The following LPP variants were observed in gnomAD, a reference collection of about 807,000 sequenced individuals.
LPP encodes the protein LIM domain containing preferred translocation partner in lipoma.
A neutral mutation model predicts 60.4 loss-of-function variants in LPP; 38 were observed. The observed-to-expected ratio is 0.63, with a 90% CI of 0.49 to 0.83. The LOEUF (loss-of-function observed/expected upper bound fraction) is 0.83. Among genes scored for constraint, LPP ranks in the 40% least tolerant of loss-of-function variants. LPP has a pLI of 0.00. For missense variants in LPP, 902 were observed against 783.6 expected (o/e 1.15, Z -1.80); for synonymous variants, 328 against 290.8 (o/e 1.13, Z -1.30).
intron 1 of LPP, among the ~76,000 whole-genome samples, chr3:188,207,627 T>C (rs1733668846): frequency 6.6e-6 from 1 of 151,214 alleles, no homozygotes; most frequent in Admixed American, 6.6e-5. Flanking sequence ...TCTTCTTTTT[T>C]TTTTTTTTTT....
At position 188,709,532 on chromosome 3, in the gene LPP, T is replaced by G. The variant is rs1166025649; in HGVS notation, c.1240+1139T>G. On this transcript the variant is annotated intron_variant, in intron 8 of 11. Transcript: ENST00000617246. ...CCGCCACACCTGGCTAGTTTTTGTA[T>G]TTTTAGTAGAGACGAGGTTTCGCCA... is the stretch of plus-strand genomic sequence containing the variant. 1.3e-5 allele frequency: 2 copies of G among 152,070 alleles called. 1 individual carries two copies. The highest frequency in any genetic ancestry group is 1.3e-4 in the Admixed American group (2 of 15,260). The allele number at this position is 152,070 out of a possible 1,614,324, so 9.4% of individuals were successfully genotyped here.
At position 188,785,545 on chromosome 3, in the gene LPP, TATAC is replaced by T. The variant is rs1560201743; in HGVS notation, c.1410+25265_1410+25268del. On this transcript the variant is annotated intron_variant, in intron 9 of 11. Coordinates refer to ENST00000617246, the MANE Select transcript of LPP (RefSeq NM_001375462.1). ...ATATATATATTCCATCATATATATA[TATAC>T]ACACACACACACACACACACACACA... 3.4e-5 allele frequency among the ~76,000 whole-genome samples: 2 copies of T among 58,940 alleles called. 1 individual carries two copies. The highest frequency in any genetic ancestry group is 1.9e-4 in the African/African-American group (2 of 10,428). The allele number at this position is 58,940 out of a possible 152,430, so 38.7% of individuals were successfully genotyped here.
chr3:188,204,325 C>T lies in LPP; in HGVS notation c.-189-21080C>T, dbSNP rs112093672. ...TGGCCTGAGGGTGAGTGGATGCTAT[C>T]GTTTGTGTTGTTTAGAGCACTGGTG... is the stretch of plus-strand genomic sequence containing the variant. On this transcript the variant is annotated intron_variant, in intron 1 of 11. Coordinates refer to ENST00000617246, the MANE Select transcript of LPP (RefSeq NM_001375462.1). Among the ~76,000 whole-genome samples the T allele has an allele frequency of 2.2e-4, 34 of 152,076 alleles. 1 individual carries two copies. Among genetic ancestry groups the T allele is most frequent in the Admixed American group, 8.5e-4 (13 of 15,268 alleles).
intron 1 of LPP, among the ~76,000 whole-genome samples, chr3:188,168,417 T>C (rs997330576): frequency 2.0e-5 from 3 of 152,236 alleles, no homozygotes; most frequent in Non-Finnish European, 2.9e-5. Context: ...ATCTCTAAAC[T>C]GTGTCTACGT....
chr3:188,867,702 G>C (rs1767034328), intron 10 of LPP, among the ~76,000 whole-genome samples: 1 of 152,156 alleles, frequency 6.6e-6, no homozygotes, highest in Admixed American at 6.6e-5. Context: ...TCTGTAAATG[G>C]TGGACTCAGG....
At chr3:188,518,982 G>C (rs540695008) in intron 5 of LPP, among the ~76,000 whole-genome samples, 1 of 151,892 alleles carries the variant, frequency 6.6e-6, no homozygotes, top group South Asian at 2.1e-4. Flanking sequence ...AATCGTTAAC[G>C]TATTAGGCAA....
intron 8 of LPP, among the ~76,000 whole-genome samples, chr3:188,725,994 T>C (rs903200647): frequency 6.6e-6 from 1 of 151,944 alleles, no homozygotes; most frequent in Non-Finnish European, 1.5e-5. Context: ...GAAGGAGAAA[T>C]GAGACTAAAT....
At chr3:188,176,962 T>C (rs778863229) in intron 1 of LPP, among the ~76,000 whole-genome samples, 5 of 152,220 alleles carry the variant, frequency 3.3e-5, no homozygotes, top group Non-Finnish European at 7.3e-5. Context: ...TCACCTGCCC[T>C]CTCTGAGCTA....
intron 7 of LPP, among the ~76,000 whole-genome samples, chr3:188,689,659 C>G (rs1352346179): frequency 6.6e-6 from 1 of 152,188 alleles, no homozygotes; most frequent in Non-Finnish European, 1.5e-5. Flanking sequence ...TTCATTATCT[C>G]ACTTCACAGT....
chr3:188,522,930 CAG>C (rs1355894134), intron 5 of LPP, among the ~76,000 whole-genome samples: 1 of 151,016 alleles, frequency 6.6e-6, no homozygotes, highest in Non-Finnish European at 1.5e-5. Context: ...ATGTTTGAGA[CAG>C]AGTCTCGCTC....
intron 6 of LPP, among the ~76,000 whole-genome samples, chr3:188,594,340 G>C (rs1486234613): frequency 6.6e-6 from 1 of 152,150 alleles, no homozygotes; most frequent in Non-Finnish European, 1.5e-5. Flanking sequence ...GAATGAAAAG[G>C]ACCCTGGTTC....
chr3:188,466,720 C>T (rs1014195192), intron 4 of LPP, among the ~76,000 whole-genome samples: 2 of 146,426 alleles, frequency 1.4e-5, no homozygotes, highest in Non-Finnish European at 3.0e-5. Context: ...AGTAGAGGCT[C>T]ATATTTTTAT....
At position 188,554,370 on chromosome 3, in the gene LPP, A is replaced by C. The variant is rs192635083; in HGVS notation, c.429+29583A>C. On this transcript the variant is annotated intron_variant, in intron 6 of 11. Coordinates refer to ENST00000617246, the MANE Select transcript of LPP (RefSeq NM_001375462.1). ...ACTTGCAAATAGAGCTGACAACAGC[A>C]AGATATGTCCTGTAAACAAACCCCA... 8.5e-5 allele frequency among the ~76,000 whole-genome samples: 13 copies of C among 152,306 alleles called. 1 individual carries two copies. The highest frequency in any genetic ancestry group is 2.9e-4 in the African/African-American group (12 of 41,574).
intron 3 of LPP, among the ~76,000 whole-genome samples, chr3:188,378,616 C>G (rs1334953173): frequency 6.6e-6 from 1 of 152,138 alleles, no homozygotes; most frequent in African/African-American, 2.4e-5. Flanking sequence ...TCTGTCATCC[C>G]TTTCTTTGAC....
intron 9 of LPP, among the ~76,000 whole-genome samples, chr3:188,768,207 A>C (rs1437340801): frequency 6.6e-6 from 1 of 152,184 alleles, no homozygotes; most frequent in East Asian, 1.9e-4. Flanking sequence ...TCACTAATCA[A>C]AGTTTTCAGA....
Position 188,609,723 on chromosome 3 carries a change from G to C in LPP, c.992G>C (p.Gly331Ala). The C allele has an allele frequency of 6.2e-7, 1 of 1,614,012 alleles. No individual in the cohort carries two copies. Reference sequence around the variant, plus strand: ...CCAAATACCTGGAAACGGGAACCAGGGTACACTCCTCCTGGAGCAGGGAAC... The same window carrying C: ...CCAAATACCTGGAAACGGGAACCAGCGTACACTCCTCCTGGAGCAGGGAAC... ...GHPNTWKREP[G>A]YTPPGAGNQN... Residue 331 changes from glycine to alanine, a missense_variant, in exon 7 of 12, where the codon GGG (glycine) becomes GCG (alanine). By Grantham distance (60) the Gly-to-Ala change is moderately conservative. Transcript: ENST00000617246. The surrounding 1 kb of genome is among the most constrained non-coding windows in gnomAD (Gnocchi z 6.9).
At chr3:188,517,359 G>C (rs984405334) in intron 5 of LPP, among the ~76,000 whole-genome samples, 3 of 152,102 alleles carry the variant, frequency 2.0e-5, no homozygotes, top group African/African-American at 7.2e-5. Flanking sequence ...ACAGATGATG[G>C]AAAAAAGATT....
At chr3:188,657,051 C>T (rs1853374395) in intron 7 of LPP, among the ~76,000 whole-genome samples, 1 of 151,974 alleles carries the variant, frequency 6.6e-6, no homozygotes, top group African/African-American at 2.4e-5. Context: ...TCTCACAGGG[C>T]TTTCCAAATA....
chr3:188,368,927 C>T (rs985498703), intron 3 of LPP, among the ~76,000 whole-genome samples: 4 of 152,222 alleles, frequency 2.6e-5, no homozygotes, highest in Middle Eastern at 3.4e-3. Flanking sequence ...GAGGGTCACC[C>T]GCCACATTTT....
Sources: gnomAD v4.1 joint callset for allele counts (sites outside exome capture counted in the v4.1 genomes callset) on GRCh38, gnomAD v4.1.1 for gene constraint, Gnocchi (gnomAD v3.1) non-coding constraint, MANE v1.5 for transcripts, NCBI Gene and HGNC (gene_info 2026-07-23, HGNC 2026-07-21) for gene names.